Variants in RPA1 observed in about 807,000 individuals in gnomAD.
RPA1 encodes the protein replication protein A 70 kDa DNA-binding subunit.
Under a neutral mutation model 83.0 loss-of-function variants are expected in RPA1, and 49 were observed. That is an observed-to-expected ratio of 0.59 (90% confidence interval 0.47 to 0.75). The LOEUF (loss-of-function observed/expected upper bound fraction) is 0.75, where lower values mean the gene tolerates loss of function less well. Ranked by LOEUF, RPA1 falls within the 30% of genes least tolerant of loss-of-function variation. The pLI is 0.00. For missense variants in RPA1, 693 were observed against 776.1 expected (o/e 0.89, Z 1.27); for synonymous variants, 279 against 281.8 (o/e 0.99, Z 0.10).
At chr17:1,836,110 T>TTTATTTATTTA (rs367966063) in intron 1 of RPA1, among the ~76,000 whole-genome samples, 1 of 151,758 alleles carries the variant, frequency 6.6e-6, no homozygotes, top group Non-Finnish European at 1.5e-5. Context: ...ATTGCACCTT[T>TTTATTTATTTA]TTTATTTATT....
Position 1,895,029 on chromosome 17 carries a change from A to C in RPA1, c.1680A>C (p.Glu560Asp), listed in dbSNP as rs1914348219. Residue 560 changes from glutamate (E) to aspartate (D), a missense_variant, in exon 16 of 17, where the codon GAA (glutamate) becomes GAC (aspartate). Physicochemically the swap from Glu to Asp is conservative, Grantham distance 45. Transcript: ENST00000254719. ...TGCAGAATGAACAGGCATTTGAAGAAGTTTTCCAGAATGCCAACTTCCGAT... is the reference window on the plus strand; with the variant it reads ...TGCAGAATGAACAGGCATTTGAAGACGTTTTCCAGAATGCCAACTTCCGAT... The part of the protein sequence containing the change: ...LKDKNEQAFE[E>D]VFQNANFRSF... The C allele has an allele frequency of 6.2e-7, 1 of 1,613,408 alleles. No individual in the cohort carries two copies. Among genetic ancestry groups the C allele is most frequent in the Non-Finnish European group, 8.5e-7 (1 of 1,179,684 alleles).
At chr17:1,885,471 T>C (rs1913955662) in intron 13 of RPA1, among the ~76,000 whole-genome samples, 1 of 148,934 alleles carries the variant, frequency 6.7e-6, no homozygotes, top group Non-Finnish European at 1.5e-5. Flanking sequence ...ATCATGAATG[T>C]TCCTTTTTTT....
At chr17:1,839,810 T>G (rs1168868346) in intron 1 of RPA1, among the ~76,000 whole-genome samples, 2 of 147,502 alleles carry the variant, frequency 1.4e-5, no homozygotes, top group Non-Finnish European at 3.0e-5. Flanking sequence ...TTTTTTTTTT[T>G]TTTGAGACAG....
intron 15 of RPA1, among the ~76,000 whole-genome samples, chr17:1,892,345 T>G (rs1914235806): frequency 6.6e-6 from 1 of 152,194 alleles, no homozygotes; most frequent in African/African-American, 2.4e-5. Flanking sequence ...TTTTTTAGTT[T>G]GTTTCTTTTT....
At chr17:1,861,620 T>G (rs1171428019) in intron 5 of RPA1, among the ~76,000 whole-genome samples, 1 of 152,236 alleles carries the variant, frequency 6.6e-6, no homozygotes, top group East Asian at 1.9e-4. Context: ...TCTGTTTGTC[T>G]CCATATTTCT....
chr17:1,854,912 G>C (rs1203580907), intron 5 of RPA1, among the ~76,000 whole-genome samples: 1 of 152,170 alleles, frequency 6.6e-6, no homozygotes, highest in Non-Finnish European at 1.5e-5. Context: ...AACATCTCCA[G>C]CCTGGCTCGT....
In RPA1 at chr17:1,853,510, C is replaced by T. The variant is rs17338691; in HGVS notation, c.361+321C>T. On this transcript the variant is annotated intron_variant, in intron 5 of 16. Coordinates refer to ENST00000254719, the MANE Select transcript of RPA1 (RefSeq NM_002945.5). ...CCAGTCTGGCCAGCATGGCAAAACT[C>T]CGTCTCTACTAAAAATACAAAAAGT... 6.1e-3 allele frequency among the ~76,000 whole-genome samples: 923 copies of T among 152,304 alleles called. 11 individuals carry two copies. Among genetic ancestry groups the T allele is most frequent in the African/African-American group, 0.021 (876 of 41,564 alleles).
intron 14 of RPA1, 60 bp from the exon 15 acceptor site, chr17:1,891,773 C>T: frequency 8.8e-7 from 1 of 1,137,782 alleles, no homozygotes; most frequent in Non-Finnish European, 1.3e-6. Flanking sequence ...CTCTCCCCAT[C>T]TTCTCAGTGT....
In RPA1 at chr17:1,897,082, A is replaced by G; in HGVS notation, c.1758A>G (p.Arg586=). ...VKVETYNDES[R]IKATVMDVKP... is the part of the protein sequence containing the mutation. ...CTCCCTTTTTGAAGGACGAGTCTCGAATTAAGGCCACTGTGATGGACGTGA... is the reference window on the plus strand; with the variant it reads ...CTCCCTTTTTGAAGGACGAGTCTCGGATTAAGGCCACTGTGATGGACGTGA... The change falls in exon 17 of 17, where the codon CGA becomes CGG. Residue 586 remains arginine, a synonymous_variant. Transcript: ENST00000254719. The G allele has an allele frequency of 6.4e-7, 1 of 1,571,486 alleles. No homozygotes were observed. Among genetic ancestry groups the G allele is most frequent in the Non-Finnish European group, 8.6e-7 (1 of 1,157,994 alleles).
chr17:1,847,884 G>A (rs1014650639), intron 4 of RPA1, among the ~76,000 whole-genome samples: 2 of 152,032 alleles, frequency 1.3e-5, no homozygotes. Flanking sequence ...GCTGGGCGTG[G>A]TGGCGGGTGC....
At chr17:1,890,911 A>G (rs1204276360) in intron 14 of RPA1, among the ~76,000 whole-genome samples, 4 of 152,154 alleles carry the variant, frequency 2.6e-5, no homozygotes, top group African/African-American at 9.7e-5. Flanking sequence ...CTGTGTGATG[A>G]GATGCTCTTT....
intron 5 of RPA1, among the ~76,000 whole-genome samples, chr17:1,859,748 C>T (rs372035391): frequency 1.5e-4 from 23 of 152,022 alleles, no homozygotes; most frequent in Admixed American, 7.2e-4. Flanking sequence ...CTCCCACCTC[C>T]GCCTCCTGAG....
chr17:1,853,276 G>A lies in RPA1; in HGVS notation c.361+87G>A, dbSNP rs1912568229. 5.9e-6 allele frequency: 6 copies of A among 1,012,004 alleles called. No individual in the cohort carries two copies. The Admixed American group carries it at 9.4e-5, about 16-fold the overall frequency. The allele number at this position is 1,012,004 out of a possible 1,614,324, so 62.7% of individuals were successfully genotyped here. A position where few individuals can be genotyped will look rare whatever the true frequency, so the allele number is the denominator to read the frequency against. ...CTACCTTTTGGATTCAGTTTGACTT[G>A]TTAGTGTTAATAAAATGATAGTGAT... On this transcript the variant is annotated intron_variant, in intron 5 of 16. Transcript: ENST00000254719.
At chr17:1,874,891 T>C (rs1388258365) in intron 6 of RPA1, among the ~76,000 whole-genome samples, 2 of 152,248 alleles carry the variant, frequency 1.3e-5, no homozygotes, top group African/African-American at 4.8e-5. Context: ...CCAAATTCTA[T>C]TCTGAAGAAA....
chr17:1,839,739 G>A (rs1911969250), intron 1 of RPA1, among the ~76,000 whole-genome samples: 1 of 148,610 alleles, frequency 6.7e-6, no homozygotes, highest in Non-Finnish European at 1.5e-5. Context: ...TGGCTCAAGT[G>A]ATCCTCCCTC....
chr17:1,866,284 C>T (rs187506972), intron 5 of RPA1, among the ~76,000 whole-genome samples: 1 of 151,826 alleles, frequency 6.6e-6, no homozygotes, highest in Non-Finnish European at 1.5e-5. Context: ...GAGATAATCC[C>T]ATATACTTGT....
rs368468361 is a variant in RPA1 at position 1,879,122 on chromosome 17, G to A, written c.759+61G>A. On this transcript the variant is annotated intron_variant, in intron 9 of 16. Transcript: ENST00000254719. Reference sequence around the variant, plus strand: ...GGGGGTGGAGTGCGGATGAAAAGACGCTGGCCCAGGGGAGGGGTGTGTGGT... The same window carrying A: ...GGGGGTGGAGTGCGGATGAAAAGACACTGGCCCAGGGGAGGGGTGTGTGGT... 5.0e-6 allele frequency: 8 copies of A among 1,610,990 alleles called. No homozygotes were observed. In the South Asian group the frequency reaches 5.5e-5, roughly 11 times the overall value.
chr17:1,858,482 G>C, intron 5 of RPA1: 1 of 976,700 alleles, frequency 1.0e-6, no homozygotes. Context: ...TTTTTTTTTT[G>C]AGACAGAGTC....
chr17:1,897,278 G>A lies in RPA1; in HGVS notation c.*103G>A. On this transcript the variant is annotated 3_prime_UTR_variant, in exon 17 of 17. Transcript: ENST00000254719. ...CCCATGTTAGCTACACAGTGCAGAG[G>A]CTCTTGATGGTGGACTAAGCAATTT... The A allele has an allele frequency of 1.2e-6, 1 of 867,834 alleles. No individual in the cohort carries two copies. 53.8% of individuals were successfully genotyped at this position (867,834 alleles called of 1,614,324 possible).
Sources: allele counts gnomAD v4.1 joint callset (sites outside exome capture counted in the v4.1 genomes callset), GRCh38; gene constraint gnomAD v4.1.1; transcripts MANE v1.5; gene names NCBI Gene and HGNC (gene_info 2026-07-23, HGNC 2026-07-21).